Variants in CARD9 observed in about 807,000 individuals in gnomAD.
The protein encoded by CARD9 is caspase recruitment domain-containing protein 9.
A neutral mutation model predicts 66.0 loss-of-function variants in CARD9; 53 were observed. The observed-to-expected ratio is 0.80, with a 90% CI of 0.64 to 1.01. The LOEUF (loss-of-function observed/expected upper bound fraction) is 1.01, where lower values mean the gene tolerates loss of function less well. Ranked by LOEUF, CARD9 falls within the 50% of genes least tolerant of loss-of-function variation. The pLI, the probability that CARD9 is intolerant of heterozygous loss-of-function variation, is 0.00. For missense variants in CARD9, 769 were observed against 743.2 expected, an observed-to-expected ratio of 1.03 and a Z score of -0.40; for synonymous variants, 387 against 313.8, an observed-to-expected ratio of 1.23 and a Z score of -2.47.
chr9:136,367,360 A>C lies in CARD9; in HGVS notation c.1270-103T>G, dbSNP rs926185661. The C allele has an allele frequency of 5.2e-6, 7 of 1,344,956 alleles. No homozygotes were observed. In the African/African-American group the frequency reaches 1.0e-4, roughly 19 times the overall value. 83.3% of individuals were successfully genotyped at this position (1,344,956 alleles called of 1,614,324 possible). A position where few individuals can be genotyped will look rare whatever the true frequency, so the allele number is the denominator to read the frequency against. On this transcript the variant is annotated intron_variant, in intron 8 of 12. Transcript: ENST00000371732. ...CGGGATCCTCCAGGGAGCCCTGGGCATGCCCTCAGCCACACCAGGCCCCCT... is the reference window on the plus strand; with the variant it reads ...CGGGATCCTCCAGGGAGCCCTGGGCCTGCCCTCAGCCACACCAGGCCCCCT...
intron 7 of CARD9, chr9:136,368,097 G>A (rs568220869): frequency 3.0e-5 from 37 of 1,227,702 alleles, no homozygotes; most frequent in Admixed American, 7.1e-5. Context: ...ACCCCCACAC[G>A]TGCACATTTG....
At chr9:136,371,804 G>T in intron 2 of CARD9, 91 bp downstream of exon 2, 1 of 1,529,266 alleles carries the variant, frequency 6.5e-7, no homozygotes, top group Non-Finnish European at 8.8e-7. Context: ...GCTCTCCTGG[G>T]GTTGAGGGTC....
chr9:136,367,998 G>A (rs756621042), intron 7 of CARD9, 170 bp from the exon 8 acceptor site: 41 of 1,422,010 alleles, frequency 2.9e-5, no homozygotes, highest in Middle Eastern at 3.6e-4. Flanking sequence ...AAGTCAGCAC[G>A]TGGGGGATTG....
intron 10 of CARD9, chr9:136,366,550 G>A: frequency 1.7e-6 from 1 of 572,996 alleles, no homozygotes; most frequent in Non-Finnish European, 3.1e-6. Flanking sequence ...GGGCTGCCCA[G>A]ACCCCCACAC....
At chr9:136,373,045 T>C (rs1588727459) in intron 1 of CARD9, among the ~76,000 whole-genome samples, 1 of 152,150 alleles carries the variant, frequency 6.6e-6, no homozygotes, top group Non-Finnish European at 1.5e-5. Flanking sequence ...CCACTCCCTC[T>C]GAGACTGGGA....
chr9:136,371,852 T>C (rs1458779389), intron 2 of CARD9, 43 bp downstream of exon 2: 7 of 1,563,550 alleles, frequency 4.5e-6, no homozygotes, highest in Non-Finnish European at 6.1e-6. Flanking sequence ...GAGCTGACTC[T>C]GTGGTTGGGT....
At chr9:136,370,744 G>T in intron 4 of CARD9, 43 bp from the exon 5 acceptor site, 1 of 1,611,822 alleles carries the variant, frequency 6.2e-7, no homozygotes, top group South Asian at 1.1e-5. Context: ...TCCAGGCGGT[G>T]ACCGCAGACC....
At chr9:136,369,667 T>A in intron 7 of CARD9, 83 bp downstream of exon 7, 1 of 1,534,288 alleles carries the variant, frequency 6.5e-7, no homozygotes, top group Non-Finnish European at 8.7e-7. Flanking sequence ...TTAAAAATCC[T>A]CTGACAACTG....
Position 136,373,521 on chromosome 9 carries a change from G to C in CARD9, c.-17+11C>G. ...CCTGGCCACCTTTCAGAAAGCACCAGACCCACCCACCTGAGGGTCTTCCAG... is the reference window on the plus strand; with the variant it reads ...CCTGGCCACCTTTCAGAAAGCACCACACCCACCCACCTGAGGGTCTTCCAG... On this transcript the variant is annotated intron_variant, in intron 1 of 12. Transcript: ENST00000371732. The C allele has an allele frequency of 4.1e-6, 4 of 985,742 alleles. No homozygotes were observed. The highest frequency in any genetic ancestry group is 9.4e-5 in the South Asian group (2 of 21,296). 61.1% of individuals were successfully genotyped at this position (985,742 alleles called of 1,614,324 possible).
At chr9:136,367,320 G>A (rs1223966547) in intron 8 of CARD9, 63 bp from the exon 9 acceptor site, 23 of 1,565,142 alleles carry the variant, frequency 1.5e-5, no homozygotes, top group Non-Finnish European at 1.9e-5. Flanking sequence ...GGCACAGGGT[G>A]GGCAGGGCAC....
chr9:136,369,108 C>T (rs1336136501), intron 7 of CARD9, among the ~76,000 whole-genome samples: 2 of 152,214 alleles, frequency 1.3e-5, no homozygotes, highest in Non-Finnish European at 2.9e-5. Context: ...GCGTGAGCCA[C>T]CGCGCCAGGC....
At chr9:136,367,597 A>C (rs1173583821) in intron 8 of CARD9, 40 bp downstream of exon 8, 10 of 1,529,960 alleles carry the variant, frequency 6.5e-6, no homozygotes, top group Non-Finnish European at 7.0e-6. Flanking sequence ...CCTGCATCCC[A>C]CGCGCCGGCT....
intron 8 of CARD9, 149 bp from the exon 9 acceptor site, chr9:136,367,406 T>C (rs750607439): frequency 3.1e-5 from 32 of 1,034,446 alleles, no homozygotes; most frequent in Non-Finnish European, 4.1e-5. Flanking sequence ...AACAACCTGC[T>C]AGGCTGCCTG....
At position 136,363,998 on chromosome 9, in the gene CARD9, A is replaced by T. The variant is rs1339244799; in HGVS notation, c.*304T>A. 3 of 1,279,574 alleles carry T rather than the reference A, an allele frequency of 2.3e-6. No individual in the cohort carries two copies. Among genetic ancestry groups the T allele is most frequent in the Middle Eastern group, 1.8e-4 (1 of 5,530 alleles). 79.3% of individuals were successfully genotyped at this position (1,279,574 alleles called of 1,614,324 possible). On this transcript the variant is annotated 3_prime_UTR_variant, in exon 13 of 13. Transcript: ENST00000371732. ...GTTTATTTACGCAGCTGTGTTTTCT[A>T]ACACTAATACAATGCATGCATGTAT...
intron 7 of CARD9, among the ~76,000 whole-genome samples, chr9:136,369,355 T>C (rs1251588527): frequency 6.6e-6 from 1 of 152,224 alleles, no homozygotes; most frequent in Non-Finnish European, 1.5e-5. Flanking sequence ...AGATAGGTGA[T>C]AGATGATAGA....
intron 7 of CARD9, 70 bp from the exon 8 acceptor site, chr9:136,367,898 C>T: frequency 1.3e-6 from 2 of 1,510,194 alleles, no homozygotes; most frequent in South Asian, 2.5e-5. Context: ...GGCCCGGCCG[C>T]CCAACTCCAA....
chr9:136,369,917 C>T lies in CARD9; in HGVS notation c.952-42G>A, dbSNP rs771707041. ...CTCAGCCCCCACAGGCCTGAGGCCC[C>T]CCATTCTGGCCCTTGGGGTATACTC... is the stretch of plus-strand genomic sequence containing the variant. On this transcript the variant is annotated intron_variant, in intron 6 of 12. Coordinates refer to ENST00000371732, the MANE Select transcript of CARD9 (RefSeq NM_052813.5). 1.2e-5 allele frequency: 19 copies of T among 1,606,410 alleles called. 1 individual carries two copies. The highest frequency in any genetic ancestry group is 1.1e-4 in the East Asian group (5 of 44,898).
intron 7 of CARD9, among the ~76,000 whole-genome samples, chr9:136,368,368 C>T (rs1291305805): frequency 1.3e-5 from 2 of 152,236 alleles, no homozygotes; most frequent in Non-Finnish European, 2.9e-5. Context: ...CGTGGGAGCC[C>T]CCGCCCTGGG....
At chr9:136,367,125 G>T in intron 9 of CARD9, 91 bp downstream of exon 9, 1 of 1,426,198 alleles carries the variant, frequency 7.0e-7, no homozygotes, top group Non-Finnish European at 9.7e-7. Flanking sequence ...AGGGCCATGT[G>T]ACGGGCAGTG....
Sources: allele counts gnomAD v4.1 joint callset (sites outside exome capture counted in the v4.1 genomes callset), GRCh38; gene constraint gnomAD v4.1.1; transcripts MANE v1.5; gene names NCBI Gene and HGNC (gene_info 2026-07-23, HGNC 2026-07-21).